BMPER: variants seen among roughly 807,000 people sequenced by gnomAD.
The protein encoded by BMPER is BMP binding endothelial regulator.
Under a neutral mutation model 87.3 loss-of-function variants are expected in BMPER, and 45 were observed. The ratio of observed to expected loss-of-function variants is 0.52; its 90% CI spans 0.41 to 0.66. The LOEUF (loss-of-function observed/expected upper bound fraction) is 0.66, where lower values mean the gene tolerates loss of function less well. Among genes scored for constraint, BMPER ranks in the 30% least tolerant of loss-of-function variants. The pLI, the probability that BMPER is intolerant of heterozygous loss-of-function variation, is 0.00. For missense variants in BMPER, 784 were observed against 867.5 expected (o/e 0.90, Z 1.21); for synonymous variants, 326 against 316.2 (o/e 1.03, Z -0.33).
chr7:34,119,202 T>TA (rs1790200105), intron 13 of BMPER, among the ~76,000 whole-genome samples: 1 of 152,180 alleles, frequency 6.6e-6, no homozygotes, highest in Non-Finnish European at 1.5e-5. Flanking sequence ...GGATGTGTGA[T>TA]ACAAGCTGAG....
chr7:33,959,364 G>A (rs945650388), intron 3 of BMPER, among the ~76,000 whole-genome samples: 4 of 152,002 alleles, frequency 2.6e-5, no homozygotes, highest in Middle Eastern at 3.2e-3. Flanking sequence ...GGCTTTTAGT[G>A]ACATTTTCCT....
chr7:34,152,908 A>G (rs1243354212), intron 14 of BMPER, among the ~76,000 whole-genome samples, 184 bp from the exon 15 acceptor site: 1 of 152,170 alleles, frequency 6.6e-6, no homozygotes, highest in Non-Finnish European at 1.5e-5. Context: ...TTATAGATGT[A>G]GCTGATTCCC....
chr7:34,076,887 C>T (rs1585806544), intron 11 of BMPER, among the ~76,000 whole-genome samples: 1 of 152,032 alleles, frequency 6.6e-6, no homozygotes, highest in Admixed American at 6.5e-5. Context: ...GGTACCTTGG[C>T]CTTTCCAAGC....
At chr7:33,937,538 A>ATG (rs1038424665) in intron 3 of BMPER, 150 bp downstream of exon 3, 7 of 369,530 alleles carry the variant, frequency 1.9e-5, no homozygotes, top group Admixed American at 3.9e-5. Context: ...GTGTGTGTGT[A>ATG]TGTGTGTGTT....
chr7:33,934,457 CAG>C (rs1173568011), intron 2 of BMPER, among the ~76,000 whole-genome samples: 3 of 142,198 alleles, frequency 2.1e-5, no homozygotes, highest in East Asian at 2.1e-4. Flanking sequence ...CCAGTGTAAT[CAG>C]GGGGAAAAAA....
At chr7:34,109,604 T>C (rs1228897045) in intron 13 of BMPER, among the ~76,000 whole-genome samples, 1 of 152,168 alleles carries the variant, frequency 6.6e-6, no homozygotes, top group Non-Finnish European at 1.5e-5. Context: ...ATAAACAAAA[T>C]AGTAAAAAGA....
At chr7:33,991,606 C>T (rs1016588723) in intron 6 of BMPER, among the ~76,000 whole-genome samples, 52 of 152,078 alleles carry the variant, frequency 3.4e-4, no homozygotes, top group Non-Finnish European at 4.4e-4. Context: ...TTTTTTGTGT[C>T]TGTATTTCCT....
intron 6 of BMPER, among the ~76,000 whole-genome samples, chr7:33,991,469 G>GT (rs1786216229): frequency 6.6e-6 from 1 of 151,678 alleles, no homozygotes; most frequent in Non-Finnish European, 1.5e-5. Flanking sequence ...GATATCCCCT[G>GT]TATCATTTTT....
chr7:33,941,106 T>G (rs1784751569), intron 3 of BMPER, among the ~76,000 whole-genome samples: 1 of 137,238 alleles, frequency 7.3e-6, no homozygotes, highest in Non-Finnish European at 1.5e-5. Flanking sequence ...ATGTAATATA[T>G]TACATATAAT....
intron 13 of BMPER, among the ~76,000 whole-genome samples, chr7:34,117,038 C>T (rs907719784): frequency 9.2e-5 from 14 of 151,740 alleles, no homozygotes; most frequent in African/African-American, 3.4e-4. Context: ...TCTTAAGTCA[C>T]TCTTTCTCCT....
intron 2 of BMPER, among the ~76,000 whole-genome samples, chr7:33,922,987 A>G (rs1279153974): frequency 3.9e-5 from 6 of 152,160 alleles, no homozygotes; most frequent in Admixed American, 2.6e-4. Context: ...TTGTTTCTCC[A>G]TTGACCTCTG....
At position 34,009,336 on chromosome 7, in the gene BMPER, A is replaced by AG. The variant is rs539406459; in HGVS notation, c.576+34556dup. On this transcript the variant is annotated intron_variant, in intron 6 of 14. Coordinates refer to ENST00000649409, the MANE Select transcript of BMPER (RefSeq NM_001365308.1). Reference sequence around the variant, plus strand: ...TAGACCTTATTCTTTCTGAACTATTAGGGGCCACAAGATTAAATAACCTTC... The same window carrying AG: ...TAGACCTTATTCTTTCTGAACTATTAGGGGGCCACAAGATTAAATAACCTTC... 3.1e-3 allele frequency among the ~76,000 whole-genome samples: 470 copies of AG among 152,082 alleles called. 2 individuals are homozygous for AG. The highest frequency in any genetic ancestry group is 4.9e-3 in the Non-Finnish European group (331 of 67,916).
At chr7:33,942,838 GA>G (rs1784801068) in intron 3 of BMPER, among the ~76,000 whole-genome samples, 1 of 152,102 alleles carries the variant, frequency 6.6e-6, no homozygotes, top group Non-Finnish European at 1.5e-5. Context: ...AGAAATAAAG[GA>G]AAACAGCAGA....
rs1244866048 is a variant in BMPER at position 34,155,110 on chromosome 7, G to T, written c.*1837G>T. Reference sequence around the variant, plus strand: ...CCACTAACAGGCTAGGAGACTTTGGGCAGTAATGGGAGGCACTGAGGGTTT... The same window carrying T: ...CCACTAACAGGCTAGGAGACTTTGGTCAGTAATGGGAGGCACTGAGGGTTT... On this transcript the variant is annotated 3_prime_UTR_variant, in exon 15 of 15. Transcript: ENST00000649409. The T allele has an allele frequency of 6.6e-6, 1 of 152,184 alleles. No individual in the cohort carries two copies. Among genetic ancestry groups the T allele is most frequent in the African/African-American group, 2.4e-5 (1 of 41,440 alleles). 9.4% of individuals were successfully genotyped at this position (152,184 alleles called of 1,614,324 possible).
intron 2 of BMPER, among the ~76,000 whole-genome samples, chr7:33,924,070 C>G (rs1784299606): frequency 6.6e-6 from 1 of 152,128 alleles, no homozygotes; most frequent in Admixed American, 6.5e-5. Flanking sequence ...CTGAAAATGG[C>G]CTGAATGGAG....
In BMPER at chr7:33,915,868, C is replaced by T. The variant is rs1417949295; in HGVS notation, c.219+8965C>T. Among the ~76,000 whole-genome samples, 7 of 152,348 alleles carry T rather than the reference C, an allele frequency of 4.6e-5. No homozygotes were observed. The East Asian group carries it at 1.3e-3, about 29-fold the overall frequency. ...AATGATAGCTTAGTGGTTCTCATTT[C>T]TACCCTTTAATAGTTGTATGGCTTT... On this transcript the variant is annotated intron_variant, in intron 2 of 14. Transcript: ENST00000649409.
intron 13 of BMPER, among the ~76,000 whole-genome samples, chr7:34,098,786 A>T (rs1789601524): frequency 6.6e-6 from 1 of 152,206 alleles, no homozygotes; most frequent in Non-Finnish European, 1.5e-5. Flanking sequence ...GAGGAAGGAT[A>T]TTAAGCAGAT....
chr7:34,141,246 C>A (rs1214984411), intron 13 of BMPER, among the ~76,000 whole-genome samples: 5 of 139,980 alleles, frequency 3.6e-5, no homozygotes, highest in African/African-American at 1.0e-4. Context: ...GTGTTTAATG[C>A]CTGAATGCAT....
intron 6 of BMPER, among the ~76,000 whole-genome samples, chr7:33,999,061 A>T (rs925031948): frequency 6.6e-6 from 1 of 152,258 alleles, no homozygotes; most frequent in African/African-American, 2.4e-5. Flanking sequence ...GACTATAAAG[A>T]GATTTCATGC....
Sources: allele counts gnomAD v4.1 joint callset (sites outside exome capture counted in the v4.1 genomes callset), GRCh38; gene constraint gnomAD v4.1.1; transcripts MANE v1.5; gene names NCBI Gene and HGNC (gene_info 2026-07-23, HGNC 2026-07-21).